HIVEP3: variants seen among roughly 807,000 people sequenced by gnomAD.
HIVEP3 encodes HIVEP zinc finger 3.
HIVEP3 carries 49 observed loss-of-function variants against 152.8 expected under a neutral mutation model. That is an observed-to-expected ratio of 0.32 (90% CI 0.26 to 0.41). The LOEUF (loss-of-function observed/expected upper bound fraction) is 0.41, where lower values mean the gene tolerates loss of function less well. Among genes scored for constraint, HIVEP3 ranks in the 10% least tolerant of loss-of-function variants. The probability of loss-of-function intolerance (pLI) is 1.00; values close to 1 mark genes in which losing one functional copy is unlikely to be tolerated. For synonymous variants in HIVEP3, 1,269 were observed against 1,289.0 expected, an observed-to-expected ratio of 0.98 and a Z score of 0.33; for missense variants, 2,790 against 3,103.3, an observed-to-expected ratio of 0.90 and a Z score of 2.40.
intron 1 of HIVEP3, among the ~76,000 whole-genome samples, chr1:41,735,159 C>T (rs1280822700): frequency 6.6e-6 from 1 of 152,198 alleles, no homozygotes; most frequent in Non-Finnish European, 1.5e-5. Flanking sequence ...ACCTGAGGCT[C>T]AGAGAGGTGG....
At chr1:41,993,059 T>G (rs1434981184) in intron 1 of HIVEP3, among the ~76,000 whole-genome samples, 3 of 150,594 alleles carry the variant, frequency 2.0e-5, no homozygotes, top group African/African-American at 7.3e-5. Context: ...GAAGAAAACC[T>G]AGGCAATACC....
rs547571031 is a variant in HIVEP3, at chr1:42,029,188, G to C, written n.119+6619C>G. The stretch of plus-strand genomic sequence containing the variant: ...CTCAAAAGCAATGTTTCTCAGGGGG[G>C]TTCAGTGTGAAGATTTCATTAGTTG... On this transcript the variant is annotated intron_variant and non_coding_transcript_variant, in intron 1 of 3. Coordinates refer to the HIVEP3 transcript ENST00000489103. 5.3e-5 allele frequency among the ~76,000 whole-genome samples: 8 copies of C among 152,294 alleles called. No homozygotes were observed. In the East Asian group the frequency reaches 1.3e-3, roughly 26 times the overall value.
rs1558016244 is a variant in HIVEP3, at chr1:41,513,290, G to A, written c.5931C>T (p.Ser1977=). Residue 1977 remains serine (S), a synonymous_variant, in exon 8 of 9, where the codon AGC becomes AGT. Coordinates refer to ENST00000372583, the MANE Select transcript of HIVEP3 (RefSeq NM_024503.5). ...RPWSPSKEAG[S]RPPLARKHSL... Reference sequence around the variant, plus strand: ...AGTGTTTGCGGGCTAGTGGTGGACGGCTGCCTGCTTCTTTGCTTGGGGACC... The same window carrying A: ...AGTGTTTGCGGGCTAGTGGTGGACGACTGCCTGCTTCTTTGCTTGGGGACC... 6.2e-7 allele frequency: 1 copy of A among 1,613,258 alleles called. No homozygotes were observed. The highest frequency in any genetic ancestry group is 2.2e-5 in the East Asian group (1 of 44,846).
chr1:41,529,159 TCA>T (rs71801433), intron 5 of HIVEP3, among the ~76,000 whole-genome samples: 37,425 of 70,782 alleles, frequency 0.53, 10,386 homozygotes, highest in East Asian at 0.95. Context: ...ACCCTCACCC[TCA>T]CACATGCTCA....
chr1:41,526,455 T>G (rs1210217858), intron 5 of HIVEP3, among the ~76,000 whole-genome samples: 1 of 61,056 alleles, frequency 1.6e-5, no homozygotes, highest in Non-Finnish European at 3.1e-5. Context: ...CTCACACACA[T>G]GCTCACACCC....
At chr1:41,544,843 CTA>C (rs1643661179) in intron 5 of HIVEP3, among the ~76,000 whole-genome samples, 4 of 87,540 alleles carry the variant, frequency 4.6e-5, no homozygotes, top group Non-Finnish European at 7.0e-5. Flanking sequence ...ACCACCACCA[CTA>C]CCACCACCAC....
intron 1 of HIVEP3, among the ~76,000 whole-genome samples, chr1:41,962,487 G>A (rs1034791998): frequency 2.6e-5 from 4 of 152,200 alleles, no homozygotes; most frequent in African/African-American, 4.8e-5. Flanking sequence ...TGTTAATTTC[G>A]TAAAACACAT....
rs148469667 is a variant in HIVEP3 at position 41,662,009 on chromosome 1, C to T, written c.-720-33062G>A. 0.016 allele frequency: 2,416 copies of T among 152,280 alleles called. 31 individuals carry two copies. The highest frequency in any genetic ancestry group is 0.021 in the Non-Finnish European group (1,455 of 68,030). 9.4% of individuals were successfully genotyped at this position (152,280 alleles called of 1,614,324 possible). On this transcript the variant is annotated intron_variant, in intron 2 of 8. Coordinates refer to ENST00000372583, the MANE Select transcript of HIVEP3 (RefSeq NM_024503.5). This position sits in a 1 kb window ranked among gnomAD's most constrained non-coding sequence, Gnocchi z 7.2. The stretch of plus-strand genomic sequence containing the variant: ...CACCGACGCACTACTGCAAGCGCGC[C>T]CGCGCCCAGCCCTCTCCCACCGACG...
chr1:41,651,048 G>C (rs1472061897), intron 2 of HIVEP3, among the ~76,000 whole-genome samples: 7 of 152,164 alleles, frequency 4.6e-5, no homozygotes, highest in African/African-American at 1.4e-4. Flanking sequence ...ACCAAAGTGG[G>C]TACAGTCAGC....
intron 5 of HIVEP3, among the ~76,000 whole-genome samples, chr1:41,525,294 A>C (rs1328971050): frequency 8.5e-6 from 1 of 117,708 alleles, no homozygotes; most frequent in African/African-American, 3.3e-5. Context: ...AATGATGATA[A>C]TAAAACAGCA....
At chr1:41,531,868 C>G (rs1643266964) in intron 5 of HIVEP3, among the ~76,000 whole-genome samples, 1 of 59,528 alleles carries the variant, frequency 1.7e-5, no homozygotes, top group Non-Finnish European at 3.3e-5. Context: ...AGATGGAGGA[C>G]AGGAGAGATG....
intron 1 of HIVEP3, among the ~76,000 whole-genome samples, chr1:41,905,097 G>A (rs1008238116): frequency 2.6e-5 from 4 of 152,214 alleles, no homozygotes; most frequent in Non-Finnish European, 4.4e-5. Flanking sequence ...TAAGAGTGTA[G>A]GTGGGGCCTC....
chr1:41,820,043 A>G (rs1642544308), intron 1 of HIVEP3, among the ~76,000 whole-genome samples: 1 of 152,106 alleles, frequency 6.6e-6, no homozygotes, highest in African/African-American at 2.4e-5. Flanking sequence ...ATAAAACTTT[A>G]TTGACAAAAA....
intron 6 of HIVEP3, among the ~76,000 whole-genome samples, chr1:41,522,089 T>C (rs1439582823): frequency 6.6e-6 from 1 of 152,160 alleles, no homozygotes; most frequent in Non-Finnish European, 1.5e-5. Context: ...CCCCAGGCCC[T>C]GGTGTAGCCG....
intron 2 of HIVEP3, among the ~76,000 whole-genome samples, chr1:41,692,663 A>T (rs1387001450): frequency 6.6e-6 from 1 of 152,238 alleles, no homozygotes; most frequent in Non-Finnish European, 1.5e-5. Context: ...GAATAACAAG[A>T]ATCAGTGACA....
intron 2 of HIVEP3, among the ~76,000 whole-genome samples, chr1:41,673,929 C>T (rs559522378): frequency 6.6e-6 from 1 of 152,186 alleles, no homozygotes; most frequent in Non-Finnish European, 1.5e-5. Context: ...CACCCCAGCC[C>T]GTGCAGAAGG....
chr1:41,815,977 T>C (rs1027577691), intron 1 of HIVEP3, among the ~76,000 whole-genome samples: 10 of 152,252 alleles, frequency 6.6e-5, no homozygotes, highest in Admixed American at 2.6e-4. Context: ...GTGCCGTTGA[T>C]GCAATTAGTC....
intron 1 of HIVEP3, among the ~76,000 whole-genome samples, chr1:41,924,441 A>G (rs1300696171): frequency 6.6e-6 from 1 of 152,162 alleles, no homozygotes; most frequent in Non-Finnish European, 1.5e-5. Flanking sequence ...CATTATTATT[A>G]TTGCCAACAA....
chr1:41,901,408 C>T lies in HIVEP3; in HGVS notation c.-801+17005G>A, dbSNP rs756344616. Among the ~76,000 whole-genome samples, 75 of 152,108 alleles carry T rather than the reference C, an allele frequency of 4.9e-4. 1 individual carries two copies. The highest frequency in any genetic ancestry group is 8.8e-4 in the Non-Finnish European group (60 of 67,992). ...GAAACTAACACCAGGGGACGTGACA[C>T]CTTCACCTAGGGGAAGACTACATTG... is the stretch of plus-strand genomic sequence containing the variant. On this transcript the variant is annotated intron_variant, in intron 1 of 8. Transcript: ENST00000372583.
Sources: gnomAD v4.1 joint callset for allele counts (sites outside exome capture counted in the v4.1 genomes callset) on GRCh38, gnomAD v4.1.1 for gene constraint, Gnocchi (gnomAD v3.1) non-coding constraint, MANE v1.5 for transcripts, NCBI Gene and HGNC (gene_info 2026-07-23, HGNC 2026-07-21) for gene names.